PHTF2: variants seen among roughly 807,000 people sequenced by gnomAD.
PHTF2 encodes protein PHTF2.
Under a neutral mutation model 101.2 loss-of-function variants are expected in PHTF2, and 60 were observed. The ratio of observed to expected loss-of-function variants is 0.59; its 90% CI spans 0.48 to 0.73. The LOEUF is 0.73. Among genes scored for constraint, PHTF2 ranks in the 30% least tolerant of loss-of-function variants. The pLI is 0.00. For synonymous variants in PHTF2, 311 were observed against 307.3 expected, an observed-to-expected ratio of 1.01 and a Z score of -0.13; for missense variants, 747 against 908.7, an observed-to-expected ratio of 0.82 and a Z score of 2.29.
chr7:77,865,035 C>G lies in PHTF2; in HGVS notation c.147+10201C>G, dbSNP rs1797940604. On this transcript the variant is annotated intron_variant, in intron 3 of 19. Transcript: ENST00000416283. ...TGGCTTCTGAATCTTTTTGACATGA[C>G]CCTAGTAGTATGATAGTATTCACTG... Among the ~76,000 whole-genome samples the G allele has an allele frequency of 2.0e-5, 3 of 151,994 alleles. No homozygotes were observed. The South Asian group carries it at 6.2e-4, about 32-fold the overall frequency.
intron 16 of PHTF2, among the ~76,000 whole-genome samples, chr7:77,946,121 T>A (rs561332239): frequency 1.3e-4 from 20 of 152,296 alleles, no homozygotes; most frequent in African/African-American, 4.6e-4. Context: ...GCCATGACTA[T>A]GATAGTTTGT....
At chr7:77,877,236 C>T (rs1799026009) in intron 3 of PHTF2, among the ~76,000 whole-genome samples, 1 of 151,838 alleles carries the variant, frequency 6.6e-6, no homozygotes, top group African/African-American at 2.4e-5. Flanking sequence ...CTGCTTCAGC[C>T]TCCTGAGTTG....
At chr7:77,801,233 A>G (rs370565584) in intron 1 of PHTF2, among the ~76,000 whole-genome samples, 9 of 152,348 alleles carry the variant, frequency 5.9e-5, no homozygotes, top group South Asian at 4.1e-4. Context: ...GAAATGCTCT[A>G]AAATCTGGAA....
At chr7:77,819,669 A>G (rs961131190) in intron 1 of PHTF2, among the ~76,000 whole-genome samples, 3 of 152,158 alleles carry the variant, frequency 2.0e-5, no homozygotes, top group Non-Finnish European at 2.9e-5. Flanking sequence ...GTGTATGTGC[A>G]TCGAATATAT....
intron 1 of PHTF2, among the ~76,000 whole-genome samples, chr7:77,833,450 A>G (rs1020810126): frequency 6.6e-6 from 1 of 152,188 alleles, no homozygotes; most frequent in Admixed American, 6.5e-5. Flanking sequence ...ATTTATAAAA[A>G]CTACCTTTAA....
At chr7:77,828,735 G>GT (rs1794866402) in intron 1 of PHTF2, among the ~76,000 whole-genome samples, 1 of 152,118 alleles carries the variant, frequency 6.6e-6, no homozygotes. Flanking sequence ...GGGCGTGGTG[G>GT]TGCGCACCTG....
intron 3 of PHTF2, among the ~76,000 whole-genome samples, 196 bp from the exon 3 acceptor site, chr7:77,893,412 T>C (rs138885599): frequency 6.6e-6 from 1 of 152,288 alleles, no homozygotes; most frequent in East Asian, 1.9e-4. Flanking sequence ...AATTCCAAGG[T>C]GACGCTAGTA....
intron 16 of PHTF2, among the ~76,000 whole-genome samples, chr7:77,944,808 A>G (rs1805912254): frequency 6.6e-6 from 1 of 152,252 alleles, no homozygotes; most frequent in Admixed American, 6.5e-5. Flanking sequence ...AAAGAACTTC[A>G]GACAAATGAA....
At chr7:77,864,212 C>T (rs1053213673) in intron 3 of PHTF2, among the ~76,000 whole-genome samples, 9 of 152,076 alleles carry the variant, frequency 5.9e-5, no homozygotes, top group Non-Finnish European at 7.4e-5. Flanking sequence ...CATAAAGTTC[C>T]CTGTAAATTT....
At chr7:77,844,980 G>C (rs1796164964) in intron 2 of PHTF2, among the ~76,000 whole-genome samples, 1 of 152,118 alleles carries the variant, frequency 6.6e-6, no homozygotes, top group South Asian at 2.1e-4. Flanking sequence ...TAACTTGGAG[G>C]AACTGTTAAT....
intron 13 of PHTF2, among the ~76,000 whole-genome samples, chr7:77,938,632 C>T (rs2150968646): frequency 6.6e-6 from 1 of 152,110 alleles, no homozygotes; most frequent in Admixed American, 6.5e-5. Context: ...AAAAAATTAG[C>T]CGGGCGTGGT....
chr7:77,805,256 T>C (rs1361124211), intron 1 of PHTF2, among the ~76,000 whole-genome samples: 5 of 152,296 alleles, frequency 3.3e-5, no homozygotes, highest in South Asian at 4.1e-4. Context: ...GTAAGACATA[T>C]AGTGCTGTCC....
At chr7:77,880,519 C>T (rs1236674459) in intron 3 of PHTF2, among the ~76,000 whole-genome samples, 1 of 152,120 alleles carries the variant, frequency 6.6e-6, no homozygotes. Flanking sequence ...GGATGCCCTC[C>T]TTACCCTGCT....
intron 10 of PHTF2, 90 bp from the exon 10 acceptor site, chr7:77,922,533 T>C: frequency 2.1e-6 from 2 of 954,548 alleles, no homozygotes; most frequent in Non-Finnish European, 3.1e-6. Flanking sequence ...TGTGTGTATA[T>C]ATGTATGTGT....
intron 16 of PHTF2, among the ~76,000 whole-genome samples, chr7:77,944,068 A>G (rs1188232415): frequency 1.3e-5 from 2 of 152,176 alleles, no homozygotes; most frequent in Non-Finnish European, 2.9e-5. Context: ...TTGAATGTAC[A>G]TATTGTGTAC....
At chr7:77,865,660 T>C (rs1479091369) in intron 3 of PHTF2, among the ~76,000 whole-genome samples, 1 of 152,234 alleles carries the variant, frequency 6.6e-6, no homozygotes, top group East Asian at 1.9e-4. Context: ...ATTATCTTTA[T>C]ATCGCCATTA....
intron 19 of PHTF2, among the ~76,000 whole-genome samples, chr7:77,954,644 A>G (rs1346251260): frequency 2.1e-5 from 3 of 143,648 alleles, no homozygotes; most frequent in Admixed American, 1.4e-4. Flanking sequence ...ATATATATAT[A>G]TAGCCACTTC....
chr7:77,838,844 ATATCT>A (rs1303669162), intron 1 of PHTF2, among the ~76,000 whole-genome samples: 2 of 152,212 alleles, frequency 1.3e-5, no homozygotes, highest in Non-Finnish European at 2.9e-5. Flanking sequence ...AGAGTCACTA[ATATCT>A]TAGGAAAGGT....
At chr7:77,829,636 A>G (rs1794934983) in intron 1 of PHTF2, among the ~76,000 whole-genome samples, 1 of 152,212 alleles carries the variant, frequency 6.6e-6, no homozygotes, top group African/African-American at 2.4e-5. Context: ...TCATTATGAA[A>G]GATGTGATTT....
Sources: allele counts gnomAD v4.1 joint callset (sites outside exome capture counted in the v4.1 genomes callset), GRCh38; gene constraint gnomAD v4.1.1; transcripts MANE v1.5; gene names NCBI Gene and HGNC (gene_info 2026-07-23, HGNC 2026-07-21).